ZNF254: variants seen among roughly 807,000 people sequenced by gnomAD.
ZNF254 encodes the protein CTD-2017D11.1.
In ZNF254, 10 loss-of-function variants were observed where a neutral mutation model predicts 12.4. That is an observed-to-expected ratio of 0.80 (90% confidence interval 0.50 to 1.36). The LOEUF is 1.36. Ranked by LOEUF, ZNF254 falls within the 40% of genes most tolerant of loss-of-function variation. The pLI, the probability that ZNF254 is intolerant of heterozygous loss-of-function variation, is 0.00. For synonymous variants in ZNF254, 305 were observed against 253.4 expected, an observed-to-expected ratio of 1.20 and a Z score of -1.93; for missense variants, 996 against 763.9, an observed-to-expected ratio of 1.30 and a Z score of -3.58.
intron 1 of ZNF254, among the ~76,000 whole-genome samples, chr19:24,095,559 T>C (rs1350080844): frequency 6.6e-6 from 1 of 152,196 alleles, no homozygotes; most frequent in African/African-American, 2.4e-5. Context: ...AATTCAATTT[T>C]TGAGCTTCTT....
At chr19:24,062,087 C>CAAAAAAAAAAAAAA (rs72097158) in intron 2 of ZNF254, among the ~76,000 whole-genome samples, 1 of 115,084 alleles carries the variant, frequency 8.7e-6, no homozygotes, top group Non-Finnish European at 1.8e-5. Context: ...CTCTGTCTCA[C>CAAAAAAAAAAAAAA]AAAAAAAAAA....
chr19:24,115,655 C>T (rs546056761), intron 3 of ZNF254, among the ~76,000 whole-genome samples: 27 of 151,656 alleles, frequency 1.8e-4, no homozygotes, highest in Middle Eastern at 3.4e-3. Flanking sequence ...GCACATGTAC[C>T]GTAAAACTTA....
intron 3 of ZNF254, chr19:24,107,358 G>A (rs186487510): frequency 5.2e-5 from 22 of 423,804 alleles, no homozygotes; most frequent in African/African-American, 4.3e-4. Flanking sequence ...ATTTATTAGT[G>A]TCCTCTCTAA....
intron 2 of ZNF254, among the ~76,000 whole-genome samples, chr19:24,060,337 T>G (rs1016642527): frequency 6.6e-5 from 10 of 152,208 alleles, no homozygotes; most frequent in Non-Finnish European, 8.8e-5. Context: ...CTTCACAGAT[T>G]CTGCTCACAG....
intron 1 of ZNF254, among the ~76,000 whole-genome samples, chr19:24,101,722 C>G (rs1247707008): frequency 6.6e-6 from 1 of 152,242 alleles, no homozygotes. Flanking sequence ...CTCCTGCTGG[C>G]TTGCTATTGA....
chr19:24,035,798 T>G (rs1374353594), intron 1 of ZNF254, among the ~76,000 whole-genome samples: 1 of 152,166 alleles, frequency 6.6e-6, no homozygotes, highest in Non-Finnish European at 1.5e-5. Flanking sequence ...GACGAATGTA[T>G]TAATTGTTTA....
intron 2 of ZNF254, among the ~76,000 whole-genome samples, chr19:24,059,363 A>T (rs1599614882): frequency 6.6e-6 from 1 of 152,256 alleles, no homozygotes; most frequent in African/African-American, 2.4e-5. Flanking sequence ...AACTTACTTG[A>T]TGCGACTCTC....
intron 2 of ZNF254, among the ~76,000 whole-genome samples, chr19:24,064,839 T>G (rs765079575): frequency 1.2e-4 from 19 of 152,202 alleles, no homozygotes; most frequent in Non-Finnish European, 2.1e-4. Flanking sequence ...CATCATGTAT[T>G]TCAACATGTC....
At chr19:24,109,913 A>G (rs747930254) in intron 3 of ZNF254, among the ~76,000 whole-genome samples, 5 of 148,702 alleles carry the variant, frequency 3.4e-5, no homozygotes, top group South Asian at 4.2e-4. Flanking sequence ...TTTTTTTAGT[A>G]GAGACGGGGT....
intron 3 of ZNF254, among the ~76,000 whole-genome samples, chr19:24,107,555 T>C (rs1178001434): frequency 6.6e-6 from 1 of 152,118 alleles, no homozygotes; most frequent in African/African-American, 2.4e-5. Context: ...CTGAGTGTAT[T>C]CATTAATTTA....
At chr19:24,068,130 ACG>A (rs1971345698) in intron 2 of ZNF254, among the ~76,000 whole-genome samples, 1 of 152,220 alleles carries the variant, frequency 6.6e-6, no homozygotes, top group African/African-American at 2.4e-5. Flanking sequence ...CACCTAAGAA[ACG>A]TGGCTCTCCT....
intron 1 of ZNF254, among the ~76,000 whole-genome samples, chr19:24,037,882 T>C (rs1970025036): frequency 6.6e-6 from 1 of 152,168 alleles, no homozygotes; most frequent in Non-Finnish European, 1.5e-5. Flanking sequence ...GTGCTGGGAT[T>C]ATAGGCGTGA....
At chr19:24,123,843 G>T (rs1042923375) in intron 3 of ZNF254, among the ~76,000 whole-genome samples, 1 of 151,884 alleles carries the variant, frequency 6.6e-6, no homozygotes, top group African/African-American at 2.4e-5. Context: ...CTTTCTTCCT[G>T]CCTCTTCCAG....
chr19:24,127,151 G>A lies in ZNF254; in HGVS notation c.1151G>A (p.Gly384Asp). 2 of 1,613,074 alleles carry A rather than the reference G, an allele frequency of 1.2e-6. No individual in the cohort carries two copies. The highest frequency in any genetic ancestry group is 1.1e-5 in the South Asian group (1 of 91,040). ...GEKRYKCLEC[G>D]KAFKQLSTLT... ...AAACGCTACAAATGCTTAGAATGTG[G>A]CAAAGCTTTTAAGCAACTCTCAACT... The change falls in exon 4 of 4, where the codon GGC becomes GAC. Residue 384 changes from glycine to aspartate, a missense_variant. Coordinates refer to ENST00000357002, the MANE Select transcript of ZNF254 (RefSeq NM_203282.4).
At chr19:24,081,010 G>A (rs553885605) in intron 2 of ZNF254, among the ~76,000 whole-genome samples, 1 of 151,260 alleles carries the variant, frequency 6.6e-6, no homozygotes, top group South Asian at 2.1e-4. Flanking sequence ...CCGGGAGGCC[G>A]AAGTTGCAGT....
At chr19:24,050,240 AC>A (rs1256827853) in intron 2 of ZNF254, among the ~76,000 whole-genome samples, 1 of 151,878 alleles carries the variant, frequency 6.6e-6, no homozygotes, top group Non-Finnish European at 1.5e-5. Flanking sequence ...GCTCACTTCA[AC>A]CTTTGCCTCC....
chr19:24,055,361 T>C (rs78490453), intron 2 of ZNF254, among the ~76,000 whole-genome samples: 22,353 of 151,348 alleles, frequency 0.15, 1,905 homozygotes, highest in Middle Eastern at 0.23. Context: ...CTTACTGCAA[T>C]CTCCACCTCC....
intron 1 of ZNF254, among the ~76,000 whole-genome samples, chr19:24,087,923 T>C (rs80190311): frequency 3.1e-5 from 4 of 130,688 alleles, no homozygotes; most frequent in African/African-American, 6.4e-5. Flanking sequence ...TTTTTTTTTT[T>C]TCTTTTTTTT....
intron 1 of ZNF254, among the ~76,000 whole-genome samples, chr19:24,039,573 C>T (rs1008065355): frequency 6.6e-6 from 1 of 152,160 alleles, no homozygotes; most frequent in African/African-American, 2.4e-5. Context: ...TACAGGCTCT[C>T]ATTTCTTGAT....
Sources: allele counts gnomAD v4.1 joint callset (sites outside exome capture counted in the v4.1 genomes callset), GRCh38; gene constraint gnomAD v4.1.1; transcripts MANE v1.5; gene names NCBI Gene and HGNC (gene_info 2026-07-23, HGNC 2026-07-21).